ECE1: variants seen among roughly 807,000 people sequenced by gnomAD.
The protein encoded by ECE1 is endothelin-converting enzyme 1.
ECE1 carries 35 observed loss-of-function variants against 98.6 expected under a neutral mutation model. That is an observed-to-expected ratio of 0.35 (90% confidence interval 0.27 to 0.47). The LOEUF is 0.47. Ranked by LOEUF, ECE1 falls within the 20% of genes least tolerant of loss-of-function variation. ECE1 has a pLI of 1.00. For missense variants in ECE1, 814 were observed against 1,025.3 expected (o/e 0.79, Z 2.81); for synonymous variants, 394 against 407.1 (o/e 0.97, Z 0.39).
At chr1:21,255,540 A>C (rs370883963) in intron 8 of ECE1, among the ~76,000 whole-genome samples, 1 of 152,328 alleles carries the variant, frequency 6.6e-6, no homozygotes, top group East Asian at 1.9e-4. Context: ...GATCTGGCTC[A>C]GAAAAGGGAA....
intron 1 of ECE1, chr1:21,299,141 G>C: frequency 3.6e-6 from 1 of 276,520 alleles, no homozygotes. Context: ...TGATGACTGA[G>C]CTGCCCAGTA....
At chr1:21,334,797 G>A (rs984615804) in intron 1 of ECE1, among the ~76,000 whole-genome samples, 2 of 152,144 alleles carry the variant, frequency 1.3e-5, no homozygotes, top group African/African-American at 4.8e-5. Flanking sequence ...CATCCCTGAA[G>A]TAGCAGCCAA....
chr1:21,286,993 C>T (rs758629005), intron 2 of ECE1, among the ~76,000 whole-genome samples: 13 of 151,150 alleles, frequency 8.6e-5, no homozygotes, highest in Admixed American at 2.0e-4. Flanking sequence ...TGGTTAAATT[C>T]AACATTGGCC....
chr1:21,345,478 C>T lies in ECE1; in HGVS notation c.-100G>A, dbSNP rs956564542. Reference sequence around the variant, plus strand: ...TCCCAGCCCAGCTGCTCGGACGGCTCGGCTGCCTGGCCCAGGCGGCGCGCT... The same window carrying T: ...TCCCAGCCCAGCTGCTCGGACGGCTTGGCTGCCTGGCCCAGGCGGCGCGCT... On this transcript the variant is annotated 5_prime_UTR_variant, in exon 1 of 19. Transcript: ENST00000415912. This position sits in a 1 kb window ranked among gnomAD's most constrained non-coding sequence, Gnocchi z 5.1. 4.4e-6 allele frequency: 5 copies of T among 1,123,838 alleles called. No homozygotes were observed. In the African/African-American group the frequency reaches 4.9e-5, roughly 11 times the overall value. The allele number at this position is 1,123,838 out of a possible 1,614,324, so 69.6% of individuals were successfully genotyped here.
chr1:21,273,336 TGCGTGTGTGC>T (rs2098242569), intron 3 of ECE1, among the ~76,000 whole-genome samples: 8 of 102,506 alleles, frequency 7.8e-5, no homozygotes, highest in Non-Finnish European at 1.5e-4. Flanking sequence ...TGTGTGCCCG[TGCGTGTGTGC>T]GTGTGTGTGT....
intron 10 of ECE1, among the ~76,000 whole-genome samples, chr1:21,243,526 C>T (rs755135938): frequency 2.6e-5 from 4 of 152,136 alleles, no homozygotes; most frequent in African/African-American, 9.7e-5. Context: ...GCCCTTGCTG[C>T]TTTCTTGCTG....
intron 10 of ECE1, among the ~76,000 whole-genome samples, chr1:21,238,578 G>A: frequency 6.6e-6 from 1 of 152,176 alleles, no homozygotes; most frequent in East Asian, 1.9e-4. Flanking sequence ...GGTGCCCCAC[G>A]AGTGACAAGT....
intron 1 of ECE1, among the ~76,000 whole-genome samples, chr1:21,311,391 G>A (rs905555841): frequency 3.9e-5 from 6 of 151,964 alleles, no homozygotes; most frequent in Non-Finnish European, 5.9e-5. Flanking sequence ...AGAGCATGCG[G>A]GCCGGGCATG....
chr1:21,332,739 GGGGAGGGGA>G, intron 1 of ECE1, among the ~76,000 whole-genome samples: 1 of 49,582 alleles, frequency 2.0e-5, no homozygotes, highest in Non-Finnish European at 4.4e-5. Flanking sequence ...GGGGAGGGGA[GGGGAGGGGA>G]GGGGAGGGGG....
intron 1 of ECE1, among the ~76,000 whole-genome samples, chr1:21,301,030 G>A (rs1167220221): frequency 7.2e-6 from 1 of 138,216 alleles, no homozygotes; most frequent in Non-Finnish European, 1.5e-5. Context: ...TGAAGAGGGT[G>A]TGTCTCCTCC....
chr1:21,328,949 A>C (rs1639139861), intron 1 of ECE1, among the ~76,000 whole-genome samples: 1 of 152,000 alleles, frequency 6.6e-6, no homozygotes, highest in Admixed American at 6.6e-5. Context: ...ATTGATCTAA[A>C]GGTGGAATGG....
chr1:21,227,026 ATT>A (rs199661411), intron 16 of ECE1, 131 bp downstream of exon 16: 6 of 769,968 alleles, frequency 7.8e-6, no homozygotes, highest in South Asian at 1.6e-5. Context: ...GCACAGCCTA[ATT>A]TTTTTTTTAG....
At chr1:21,267,687 C>T (rs896781579) in intron 4 of ECE1, among the ~76,000 whole-genome samples, 1 of 152,124 alleles carries the variant, frequency 6.6e-6, no homozygotes, top group Admixed American at 6.6e-5. Flanking sequence ...AATCAATCCA[C>T]GTAACCATTC....
At position 21,319,274 on chromosome 1, in the gene ECE1, A is replaced by G. The variant is rs11577605; in HGVS notation, c.3+26102T>C. On this transcript the variant is annotated intron_variant, in intron 1 of 18. Coordinates refer to the ECE1 transcript ENST00000415912. This position sits in a 1 kb window ranked among gnomAD's most constrained non-coding sequence, Gnocchi z 4.4. ...GTGGGACAATCGCTTGAACCCGGGA[A>G]GTGGAGGTTGCAGTGAGCCGAGATC... Among the ~76,000 whole-genome samples the G allele has an allele frequency of 0.13, 19,077 of 152,092 alleles. 1,458 individuals are homozygous for G. The highest frequency in any genetic ancestry group is 0.2 in the African/African-American group (8,309 of 41,464).
chr1:21,285,245 C>T (rs1411842895), intron 2 of ECE1, among the ~76,000 whole-genome samples: 2 of 152,194 alleles, frequency 1.3e-5, no homozygotes, highest in Non-Finnish European at 2.9e-5. Context: ...TTTACAAGTA[C>T]TTTCCAACTT....
rs1279132990 is a variant in ECE1 at position 21,233,893 on chromosome 1, TA to T, written c.1567-233del. ...GCAGTGCCTGGGCCCAGGCAAGAAA[TA>T]TCTCCCATGTTGTCCAATAGAACCT... On this transcript the variant is annotated intron_variant, in intron 13 of 18. Coordinates refer to ENST00000374893, the MANE Select transcript of ECE1 (RefSeq NM_001397.3). The surrounding 1 kb of genome is among the most constrained non-coding windows in gnomAD (Gnocchi z 4.0). Among the ~76,000 whole-genome samples, 2 of 152,026 alleles carry T rather than the reference TA, an allele frequency of 1.3e-5. No homozygotes were observed. The highest frequency in any genetic ancestry group is 2.9e-5 in the Non-Finnish European group (2 of 68,002).
intron 1 of ECE1, among the ~76,000 whole-genome samples, chr1:21,313,250 T>C (rs1395647806): frequency 1.3e-5 from 2 of 152,206 alleles, no homozygotes; most frequent in Non-Finnish European, 2.9e-5. Flanking sequence ...TGAGCTGGCG[T>C]TGCCTCGGTG....
chr1:21,245,055 G>T lies in ECE1; in HGVS notation c.1212C>A (p.Ser404=). The T allele has an allele frequency of 6.2e-7, 1 of 1,614,208 alleles. No homozygotes were observed. Among genetic ancestry groups the T allele is most frequent in the Non-Finnish European group, 8.5e-7 (1 of 1,180,034 alleles). Residue 404 remains serine, a synonymous_variant, in exon 10 of 19, where the codon TCC becomes TCA. Coordinates refer to ENST00000374893, the MANE Select transcript of ECE1 (RefSeq NM_001397.3). ...MIWNLVRKTS[S]FLDQRFQDAD... ...CGTCCTGAAAGCGCTGGTCAAGGAA[G>T]GAGCTTGTTTTCCGCACCAGGTTCC...
intron 4 of ECE1, among the ~76,000 whole-genome samples, chr1:21,263,418 G>T (rs1323351229): frequency 1.1e-4 from 16 of 151,600 alleles, no homozygotes; most frequent in Admixed American, 5.9e-4. Context: ...GCGCAGGGGC[G>T]CAATCTCGGC....
Sources: allele counts gnomAD v4.1 joint callset (sites outside exome capture counted in the v4.1 genomes callset), GRCh38; gene constraint gnomAD v4.1.1; non-coding constraint Gnocchi (gnomAD v3.1); transcripts MANE v1.5; gene names NCBI Gene and HGNC (gene_info 2026-07-23, HGNC 2026-07-21).